Variants in PPP6R2 observed in about 807,000 individuals in gnomAD.
PPP6R2 encodes serine/threonine-protein phosphatase 6 regulatory subunit 2.
Under a neutral mutation model 100.2 loss-of-function variants are expected in PPP6R2, and 62 were observed. The ratio of observed to expected loss-of-function variants is 0.62; its 90% confidence interval spans 0.50 to 0.76. The LOEUF (loss-of-function observed/expected upper bound fraction) is 0.76, where lower values mean the gene tolerates loss of function less well. PPP6R2 is among the 30% of genes least tolerant of loss of function. PPP6R2 has a pLI of 0.00. For synonymous variants in PPP6R2, 525 were observed against 514.7 expected, an observed-to-expected ratio of 1.02 and a Z score of -0.27; for missense variants, 1,142 against 1,276.3, an observed-to-expected ratio of 0.89 and a Z score of 1.60.
chr22:50,362,261 T>C (rs2148353123), intron 1 of PPP6R2, among the ~76,000 whole-genome samples: 1 of 152,262 alleles, frequency 6.6e-6, no homozygotes, highest in East Asian at 1.9e-4. Flanking sequence ...AGGTTTTCAG[T>C]TTTCACTTGA....
the PPP6R2 span, among the ~76,000 whole-genome samples, chr22:50,332,683 G>A: frequency 2.0e-5 from 3 of 150,322 alleles, no homozygotes; most frequent in Non-Finnish European, 4.4e-5. Flanking sequence ...AAGTGCAATG[G>A]CGTGATCTTG....
chr22:50,440,629 GTTGT>G (rs1018800531), intron 21 of PPP6R2, among the ~76,000 whole-genome samples, 189 bp from the exon 22 acceptor site: 32 of 152,362 alleles, frequency 2.1e-4, no homozygotes, highest in African/African-American at 7.5e-4. Context: ...AGGCAACAGG[GTTGT>G]TTGTGTGGAG....
chr22:50,350,816 G>A (rs1251516583), intron 1 of PPP6R2, among the ~76,000 whole-genome samples: 1 of 147,428 alleles, frequency 6.8e-6, no homozygotes, highest in Non-Finnish European at 1.5e-5. Flanking sequence ...CTGCACTCCA[G>A]CCTGGGCGAC....
the PPP6R2 span, among the ~76,000 whole-genome samples, chr22:50,331,628 C>A: frequency 6.6e-6 from 1 of 151,456 alleles, no homozygotes; most frequent in African/African-American, 2.4e-5. Context: ...TTTTTAACTT[C>A]TTTTTTTGAG....
chr22:50,394,764 G>A (rs2056404324), intron 3 of PPP6R2, among the ~76,000 whole-genome samples: 1 of 151,718 alleles, frequency 6.6e-6, no homozygotes, highest in Non-Finnish European at 1.5e-5. Context: ...AAATTAGCCG[G>A]GCATGGTGGC....
chr22:50,386,263 C>A (rs1051327075), intron 2 of PPP6R2, among the ~76,000 whole-genome samples: 2 of 151,956 alleles, frequency 1.3e-5, no homozygotes, highest in Non-Finnish European at 2.9e-5. Context: ...CTGCCTCAGC[C>A]TCCAAGTAGC....
Position 50,443,870 on chromosome 22 carries a change from G to C in PPP6R2, c.2584G>C (p.Gly862Arg). 1 of 1,578,028 alleles carries C rather than the reference G, an allele frequency of 6.3e-7. No individual in the cohort carries two copies. The highest frequency in any genetic ancestry group is 8.6e-7 in the Non-Finnish European group (1 of 1,160,740). Residue 862 changes from glycine to arginine, a missense_variant, in exon 23 of 24, where the codon GGG (glycine) becomes CGG (arginine). Gly to Arg is a moderately radical substitution (Grantham distance 125). Coordinates refer to ENST00000612753, the MANE Select transcript of PPP6R2 (RefSeq NM_001242898.2). ...GAGTCCATGTTTGCCACACAGGGTC[G>C]GGTGTGCTGACAGCCGGCTGTTAAG... ...ARTEEAVGRVGCADSRLLSPA... is the reference protein window; with the variant it reads ...ARTEEAVGRVRCADSRLLSPA...
At chr22:50,390,515 C>G (rs2055248356) in intron 2 of PPP6R2, among the ~76,000 whole-genome samples, 2 of 152,134 alleles carry the variant, frequency 1.3e-5, no homozygotes, top group Admixed American at 1.3e-4. Flanking sequence ...CGTAACAGGC[C>G]AGGCGTGGTG....
chr22:50,422,471 G>A, intron 9 of PPP6R2, 91 bp downstream of exon 9: 1 of 1,518,724 alleles, frequency 6.6e-7, no homozygotes. Flanking sequence ...TGTCCCATAG[G>A]TAGCAGAGTG....
At chr22:50,341,327 G>A (rs1328067675), upstream of PPP6R2, among the ~76,000 whole-genome samples, 3 of 151,920 alleles carry the variant, frequency 2.0e-5, no homozygotes, top group East Asian at 1.9e-4. Context: ...CGCCTCAGTC[G>A]GCCAAGTAGC....
Position 50,431,893 on chromosome 22 carries a change from C to T in PPP6R2, c.1336-372C>T, listed in dbSNP as rs555073443. Among the ~76,000 whole-genome samples, 260 of 152,148 alleles carry T rather than the reference C, an allele frequency of 1.7e-3. 1 individual carries two copies. The highest frequency in any genetic ancestry group is 6.0e-3 in the African/African-American group (251 of 41,506). On this transcript the variant is annotated intron_variant, in intron 11 of 23. Transcript: ENST00000612753. This position sits in a 1 kb window ranked among gnomAD's most constrained non-coding sequence, Gnocchi z 4.8. ...AGAGAAAGTGCTGAGGGCAGACAGCCCTAGTCGTTCTTCCGGACACAGAGA... is the reference window on the plus strand; with the variant it reads ...AGAGAAAGTGCTGAGGGCAGACAGCTCTAGTCGTTCTTCCGGACACAGAGA...
chr22:50,375,634 A>G (rs2051332071), intron 2 of PPP6R2, among the ~76,000 whole-genome samples: 1 of 152,028 alleles, frequency 6.6e-6, no homozygotes, highest in Admixed American at 6.6e-5. Context: ...TGAAAAGGGA[A>G]AAAAACCTGT....
At chr22:50,349,363 C>CAAAA (rs1225878624) in intron 1 of PPP6R2, among the ~76,000 whole-genome samples, 5 of 56,322 alleles carry the variant, frequency 8.9e-5, no homozygotes, top group Middle Eastern at 0.012. Flanking sequence ...GACCCTGTCT[C>CAAAA]AAAAAAAAAA....
rs530648050 is a variant in PPP6R2 at position 50,412,802 on chromosome 22, C to T, written c.415-1750C>T. ...GATTACACGTGCCCACCACCATGCC[C>T]GGCTAATTTTTTTTGTATTTTTAGT... On this transcript the variant is annotated intron_variant, in intron 4 of 23. Transcript: ENST00000612753. Among the ~76,000 whole-genome samples the T allele has an allele frequency of 9.3e-5, 14 of 150,096 alleles. No homozygotes were observed. In the South Asian group the frequency reaches 2.3e-3, roughly 25 times the overall value.
the PPP6R2 span, among the ~76,000 whole-genome samples, chr22:50,332,626 CTT>C: frequency 1.6e-3 from 221 of 134,022 alleles, 2 homozygotes; most frequent in Admixed American, 0.013. Flanking sequence ...GGTTTAAATC[CTT>C]TTTTTTTTTT....
chr22:50,390,998 CAA>C (rs1159505649), intron 2 of PPP6R2, among the ~76,000 whole-genome samples: 18 of 97,100 alleles, frequency 1.9e-4, no homozygotes, highest in Middle Eastern at 6.6e-3. Flanking sequence ...AACTCCGTCT[CAA>C]AAAAAAAAAA....
intron 17 of PPP6R2, 97 bp downstream of exon 17, chr22:50,437,997 C>T: frequency 6.6e-7 from 1 of 1,521,130 alleles, no homozygotes; most frequent in South Asian, 1.1e-5. Flanking sequence ...TGCGGTGGGG[C>T]TGGGAGAGGC....
chr22:50,391,770 G>T (rs1603034685), intron 2 of PPP6R2: 1 of 146,750 alleles, frequency 6.8e-6, no homozygotes. Flanking sequence ...TATTAGTTTT[G>T]GTCTTTTGGA....
rs1450972577 is a variant in PPP6R2, at chr22:50,438,638, T to C, written c.2004T>C (p.Asn668=). Reference sequence around the variant, plus strand: ...ATGCTTCAGAGAGTTGCTCAAAGAATGGCCCAGAGCGTGGAGGCCAGGATG... The same window carrying C: ...ATGCTTCAGAGAGTTGCTCAAAGAACGGCCCAGAGCGTGGAGGCCAGGATG... ...APHASESCSK[N]GPERGGQDGK... The change falls in exon 19 of 24, where the codon AAT becomes AAC. Residue 668 remains asparagine, a synonymous_variant. Transcript: ENST00000612753. The C allele has an allele frequency of 1.9e-6, 3 of 1,613,832 alleles. No individual in the cohort carries two copies. Among genetic ancestry groups the C allele is most frequent in the African/African-American group, 2.7e-5 (2 of 74,884 alleles).
Sources: allele counts gnomAD v4.1 joint callset (sites outside exome capture counted in the v4.1 genomes callset), GRCh38; gene constraint gnomAD v4.1.1; non-coding constraint Gnocchi (gnomAD v3.1); transcripts MANE v1.5; gene names NCBI Gene and HGNC (gene_info 2026-07-23, HGNC 2026-07-21).